CNTNAP4: variants seen among roughly 807,000 people sequenced by gnomAD.
The protein encoded by CNTNAP4 is contactin-associated protein-like 4.
In CNTNAP4, 98 loss-of-function variants were observed where a neutral mutation model predicts 148.4. The ratio of observed to expected loss-of-function variants is 0.66; its 90% CI spans 0.56 to 0.78. The LOEUF (loss-of-function observed/expected upper bound fraction) is 0.78, where lower values mean the gene tolerates loss of function less well. CNTNAP4 is among the 30% of genes least tolerant of loss of function. The probability of loss-of-function intolerance (pLI) is 0.00; values close to 1 mark genes in which losing one functional copy is unlikely to be tolerated. For synonymous variants in CNTNAP4, 730 were observed against 565.1 expected (o/e 1.29, Z -4.14); for missense variants, 1,935 against 1,565.6 (o/e 1.24, Z -3.98).
chr16:76,553,655 C>G (rs187701865), intron 22 of CNTNAP4, among the ~76,000 whole-genome samples, 154 bp downstream of exon 22: 187 of 152,312 alleles, frequency 1.2e-3, no homozygotes, highest in Admixed American at 2.2e-3. Context: ...CATATCTTTT[C>G]TAGGTGCTCA....
chr16:76,543,843 T>C (rs1468832277), intron 21 of CNTNAP4, among the ~76,000 whole-genome samples: 6 of 152,184 alleles, frequency 3.9e-5, no homozygotes, highest in African/African-American at 1.4e-4. Context: ...AATCTCCCTG[T>C]AGTTCGTGGT....
At chr16:76,454,528 A>T (rs1476249679) in intron 8 of CNTNAP4, among the ~76,000 whole-genome samples, 1 of 152,200 alleles carries the variant, frequency 6.6e-6, no homozygotes, top group African/African-American at 2.4e-5. Context: ...CTAAATATGA[A>T]TGTCAGTACA....
rs1959677593 is a variant in CNTNAP4, at chr16:76,505,873, C to T, written c.2365+7179C>T. On this transcript the variant is annotated intron_variant, in intron 15 of 23. Coordinates refer to ENST00000611870, the MANE Select transcript of CNTNAP4 (RefSeq NM_033401.5). ...TATGATTGCACCACTGCACTACAGCCTGAGCAGCAGAGTGAGACCTTGTCT... is the reference window on the plus strand; with the variant it reads ...TATGATTGCACCACTGCACTACAGCTTGAGCAGCAGAGTGAGACCTTGTCT... Among the ~76,000 whole-genome samples the T allele has an allele frequency of 3.1e-5, 3 of 96,360 alleles. No individual in the cohort carries two copies. In the South Asian group the frequency reaches 1.2e-3, roughly 40 times the overall value. 63.2% of individuals were successfully genotyped at this position (96,360 alleles called of 152,430 possible).
rs972913047 is a variant in CNTNAP4 at position 76,539,702 on chromosome 16, A to G, written c.3221-17A>G. ...TACGATTTTTACTAAAAGAATCACA[A>G]TTTTTCCCCACTCTAGGAAGTTTGC... On this transcript the variant is annotated splice_polypyrimidine_tract_variant and intron_variant, in intron 19 of 23. Transcript: ENST00000611870. The G allele has an allele frequency of 1.3e-6, 2 of 1,566,428 alleles. No individual in the cohort carries two copies. Among genetic ancestry groups the G allele is most frequent in the Non-Finnish European group, 1.7e-6 (2 of 1,163,832 alleles).
Position 76,501,300 on chromosome 16 carries a change from A to G in CNTNAP4, c.2365+2606A>G, listed in dbSNP as rs1291454411. ...CATGGCTGTAGAGAAGTTGTTTTATACATCACGTGTACCTTTCACTTCTTG... is the reference window on the plus strand; with the variant it reads ...CATGGCTGTAGAGAAGTTGTTTTATGCATCACGTGTACCTTTCACTTCTTG... On this transcript the variant is annotated intron_variant, in intron 15 of 23. Transcript: ENST00000611870. Among the ~76,000 whole-genome samples, 4 of 152,194 alleles carry G rather than the reference A, an allele frequency of 2.6e-5. No homozygotes were observed. In the East Asian group the frequency reaches 7.7e-4, roughly 29 times the overall value.
At chr16:76,525,735 T>C (rs2083700540) in intron 17 of CNTNAP4, among the ~76,000 whole-genome samples, 1 of 40,544 alleles carries the variant, frequency 2.5e-5, no homozygotes, top group Non-Finnish European at 4.5e-5. Flanking sequence ...ATATAAACTA[T>C]ATATTGTATA....
chr16:76,287,664 T>C (rs1487770196), intron 1 of CNTNAP4: 1 of 152,252 alleles, frequency 6.6e-6, no homozygotes, highest in African/African-American at 2.4e-5. Flanking sequence ...ACATCTGTCG[T>C]GTTAGCGATG....
intron 1 of CNTNAP4, among the ~76,000 whole-genome samples, chr16:76,280,588 C>A (rs749827807): frequency 2.6e-5 from 4 of 152,084 alleles, no homozygotes; most frequent in Non-Finnish European, 5.9e-5. Context: ...CTACTAGTAT[C>A]CTGTCTGACA....
chr16:76,430,040 T>G (rs977914179), intron 4 of CNTNAP4, among the ~76,000 whole-genome samples: 4 of 152,270 alleles, frequency 2.6e-5, no homozygotes, highest in Admixed American at 2.6e-4. Flanking sequence ...AAAGAATGGG[T>G]TGGGCATGAG....
intron 4 of CNTNAP4, among the ~76,000 whole-genome samples, chr16:76,440,342 A>G (rs1298532048): frequency 2.0e-5 from 3 of 152,040 alleles, no homozygotes; most frequent in Non-Finnish European, 4.4e-5. Context: ...CACATTTTCT[A>G]TTCCAATTTT....
chr16:76,361,441 T>G (rs2013430108), intron 3 of CNTNAP4, among the ~76,000 whole-genome samples: 1 of 152,254 alleles, frequency 6.6e-6, no homozygotes, highest in African/African-American at 2.4e-5. Context: ...CTTAGCGTTA[T>G]GTCGTCAAAG....
At chr16:76,412,225 C>T (rs2144924635) in intron 3 of CNTNAP4, among the ~76,000 whole-genome samples, 1 of 151,150 alleles carries the variant, frequency 6.6e-6, no homozygotes, top group South Asian at 2.1e-4. Flanking sequence ...AAAAATATAG[C>T]AGTATTTAAA....
intron 10 of CNTNAP4, among the ~76,000 whole-genome samples, chr16:76,474,157 T>G (rs1449934400): frequency 6.6e-6 from 1 of 152,216 alleles, no homozygotes. Flanking sequence ...TGTTTGCTTC[T>G]TGGTGCTTAA....
chr16:76,535,275 G>C (rs1467568872), intron 17 of CNTNAP4, among the ~76,000 whole-genome samples: 1 of 152,102 alleles, frequency 6.6e-6, no homozygotes. Context: ...TTTTCAATGA[G>C]AGTAGTGTAT....
At chr16:76,300,072 C>G (rs1278608258) in intron 1 of CNTNAP4, among the ~76,000 whole-genome samples, 1 of 151,936 alleles carries the variant, frequency 6.6e-6, no homozygotes, top group East Asian at 1.9e-4. Flanking sequence ...TGCAGCACAC[C>G]AACACGGCGC....
chr16:76,536,154 G>A (rs28588747), intron 18 of CNTNAP4, among the ~76,000 whole-genome samples: 11,991 of 151,880 alleles, frequency 0.079, 724 homozygotes, highest in African/African-American at 0.17. Context: ...CCTGCCCCAT[G>A]GGGCAATTCT....
At chr16:76,387,668 G>A (rs2016626335) in intron 3 of CNTNAP4, among the ~76,000 whole-genome samples, 2 of 152,128 alleles carry the variant, frequency 1.3e-5, no homozygotes, top group South Asian at 4.1e-4. Flanking sequence ...AATCAGCAAA[G>A]AAGAAATGAA....
At chr16:76,279,903 G>T (rs1958622541) in intron 1 of CNTNAP4, among the ~76,000 whole-genome samples, 1 of 152,136 alleles carries the variant, frequency 6.6e-6, no homozygotes, top group South Asian at 2.1e-4. Context: ...CCAAGCCATG[G>T]TGGAAAGTAC....
At chr16:76,400,842 T>C (rs2078385958) in intron 3 of CNTNAP4, among the ~76,000 whole-genome samples, 1 of 152,164 alleles carries the variant, frequency 6.6e-6, no homozygotes. Flanking sequence ...AAAGATCAGG[T>C]GGTTGTAGGT....
Sources: allele counts gnomAD v4.1 joint callset (sites outside exome capture counted in the v4.1 genomes callset), GRCh38; gene constraint gnomAD v4.1.1; transcripts MANE v1.5; gene names NCBI Gene and HGNC (gene_info 2026-07-23, HGNC 2026-07-21).